The following FAAH2 variants were observed in gnomAD, a reference collection of about 807,000 sequenced individuals.
The protein encoded by FAAH2 is fatty acid amide hydrolase 2.
Under a neutral mutation model 36.9 loss-of-function variants are expected in FAAH2, and 60 were observed. The ratio of observed to expected loss-of-function variants is 1.63; its 90% confidence interval spans 1.32 to 2.02. The LOEUF (loss-of-function observed/expected upper bound fraction) is 2.02, where lower values mean the gene tolerates loss of function less well. FAAH2 is among the 30% of genes most tolerant of loss of function. FAAH2 has a pLI of 0.00. For missense variants in FAAH2, 689 were observed against 397.5 expected, an observed-to-expected ratio of 1.73 and a Z score of -6.23; for synonymous variants, 214 against 143.8, an observed-to-expected ratio of 1.49 and a Z score of -3.49.
chrX:57,142,972 C>T, the FAAH2 span, among the ~76,000 whole-genome samples: 1 of 111,019 alleles, frequency 9.0e-6, no homozygotes, highest in Non-Finnish European at 1.9e-5. Flanking sequence ...TTTTTCCATT[C>T]TTTAATTTTA....
At chrX:57,389,138 G>T (rs2055098789) in intron 7 of FAAH2, among the ~76,000 whole-genome samples, 1 of 105,001 alleles carries the variant, frequency 9.5e-6, no homozygotes, top group Non-Finnish European at 2.0e-5. Context: ...ACTTTGCTTT[G>T]TTAGAAATCT....
the FAAH2 span, among the ~76,000 whole-genome samples, chrX:57,244,469 G>T: frequency 2.7e-5 from 3 of 111,543 alleles, no homozygotes; most frequent in Non-Finnish European, 5.6e-5. Context: ...GTGAAATGAA[G>T]GAAAAAATTA....
chrX:57,367,101 G>A (rs1453069652), intron 5 of FAAH2, among the ~76,000 whole-genome samples: 2 of 112,323 alleles, frequency 1.8e-5, no homozygotes, highest in African/African-American at 3.2e-5. Context: ...AAACTCATAC[G>A]AAATAACCTT....
chrX:57,328,054 A>G (rs1355344116), intron 3 of FAAH2, among the ~76,000 whole-genome samples: 1 of 111,983 alleles, frequency 8.9e-6, no homozygotes. Context: ...TTTTCCTTCT[A>G]ACGGTCAGGA....
intron 7 of FAAH2, chrX:57,393,469 A>T: frequency 3.2e-6 from 3 of 929,852 alleles, no homozygotes; most frequent in Non-Finnish European, 4.7e-6. Flanking sequence ...CTTCTGGGCC[A>T]ACAAGCTAGA....
intron 8 of FAAH2, among the ~76,000 whole-genome samples, chrX:57,437,210 G>A (rs1323607648): frequency 9.0e-6 from 1 of 110,578 alleles, no homozygotes. Context: ...AACAATCTAG[G>A]CATAAAATGA....
At chrX:57,271,973 T>C in the FAAH2 span, among the ~76,000 whole-genome samples, 1 of 109,990 alleles carries the variant, frequency 9.1e-6, no homozygotes, top group Non-Finnish European at 1.9e-5. Context: ...AAGGAGCATG[T>C]TCTAACCCAA....
At position 57,310,683 on chromosome X, in the gene FAAH2, C is replaced by A. The variant is rs769027792; in HGVS notation, c.366C>A (p.Pro122=). Residue 122 remains proline, a synonymous_variant, in exon 3 of 11, where the codon CCC becomes CCA. Coordinates refer to ENST00000374900, the MANE Select transcript of FAAH2 (RefSeq NM_174912.4). Reference sequence around the variant, plus strand: ...AAGCCACCCTGGAAAATAAATGGCCCTTCCTTGGGGTTCCTTTGACAGTCA... The same window carrying A: ...AAGCCACCCTGGAAAATAAATGGCCATTCCTTGGGGTTCCTTTGACAGTCA... The part of the protein sequence containing the change: ...EDEATLENKW[P]FLGVPLTVKE... 19 of 1,209,531 alleles carry A rather than the reference C, an allele frequency of 1.6e-5. No homozygotes were observed. The South Asian group carries it at 3.4e-4, about 21-fold the overall frequency.
intron 9 of FAAH2, among the ~76,000 whole-genome samples, chrX:57,447,959 C>T (rs1266406508): frequency 1.8e-5 from 2 of 112,048 alleles, no homozygotes; most frequent in African/African-American, 6.5e-5. Flanking sequence ...TCTTTTCTAT[C>T]CATCATCAGG....
chrX:57,133,022 A>G, the FAAH2 span, among the ~76,000 whole-genome samples: 1 of 111,388 alleles, frequency 9.0e-6, no homozygotes, highest in Non-Finnish European at 1.9e-5. Context: ...AGACAGCTAC[A>G]GGGTCAGTTC....
the FAAH2 span, among the ~76,000 whole-genome samples, chrX:57,141,430 T>A: frequency 8.9e-6 from 1 of 112,118 alleles, no homozygotes; most frequent in Non-Finnish European, 1.9e-5. Context: ...GACATCTGAA[T>A]AAGGCTGGCC....
rs1174969324 is a variant in FAAH2 at position 57,357,850 on chromosome X, A to T, written c.742+16460A>T. On this transcript the variant is annotated intron_variant, in intron 5 of 10. Coordinates refer to ENST00000374900, the MANE Select transcript of FAAH2 (RefSeq NM_174912.4). ...CTTTTACTGGGTATACACCCAAAGGATTATAAATCATTCTACTATAAAGAC... is the reference window on the plus strand; with the variant it reads ...CTTTTACTGGGTATACACCCAAAGGTTTATAAATCATTCTACTATAAAGAC... Among the ~76,000 whole-genome samples the T allele has an allele frequency of 2.7e-5, 3 of 111,625 alleles. No homozygotes were observed. In the Admixed American group the frequency reaches 2.9e-4, roughly 11 times the overall value.
the FAAH2 span, among the ~76,000 whole-genome samples, chrX:57,208,786 A>G: frequency 8.9e-6 from 1 of 112,095 alleles, no homozygotes. Context: ...GGGCCATAAC[A>G]AAGGGATGGG....
intron 5 of FAAH2, among the ~76,000 whole-genome samples, chrX:57,357,829 T>C (rs1202201408): frequency 9.0e-6 from 1 of 111,562 alleles, no homozygotes; most frequent in Non-Finnish European, 1.9e-5. Context: ...GCAATCCTTT[T>C]ACTGGGTATA....
intron 1 of FAAH2, among the ~76,000 whole-genome samples, chrX:57,288,679 C>A (rs1439478041): frequency 1.8e-5 from 2 of 110,804 alleles, no homozygotes; most frequent in Admixed American, 1.9e-4. Flanking sequence ...TTTTGTGTCT[C>A]TGATGTCCTT....
the FAAH2 span, among the ~76,000 whole-genome samples, chrX:57,146,159 T>A: frequency 9.0e-6 from 1 of 110,895 alleles, no homozygotes; most frequent in South Asian, 3.8e-4. Context: ...CTTTTAACAG[T>A]ATGGTCTTTT....
At chrX:57,265,509 G>A in the FAAH2 span, among the ~76,000 whole-genome samples, 4 of 111,449 alleles carry the variant, frequency 3.6e-5, no homozygotes, top group African/African-American at 1.3e-4. Flanking sequence ...AGGCTTTGGA[G>A]AGTCCAAACC....
chrX:57,426,293 T>C (rs1234447197), intron 7 of FAAH2, among the ~76,000 whole-genome samples: 1 of 111,893 alleles, frequency 8.9e-6, no homozygotes, highest in African/African-American at 3.2e-5. Context: ...AGGAAAGATA[T>C]AGCAATACAA....
chrX:57,306,700 G>A (rs1362847162), intron 2 of FAAH2, among the ~76,000 whole-genome samples: 1 of 65,309 alleles, frequency 1.5e-5, no homozygotes, highest in Non-Finnish European at 2.6e-5. Flanking sequence ...TTGTGTGTGT[G>A]TGTGTGTGTG....
Sources: allele counts gnomAD v4.1 joint callset (sites outside exome capture counted in the v4.1 genomes callset), GRCh38; gene constraint gnomAD v4.1.1; transcripts MANE v1.5; gene names NCBI Gene and HGNC (gene_info 2026-07-23, HGNC 2026-07-21).